ZNF735: variants seen among roughly 807,000 people sequenced by gnomAD.
ZNF735 encodes zinc finger protein 735.
In ZNF735, 11 loss-of-function variants were observed where a neutral mutation model predicts 13.4. The observed-to-expected ratio is 0.82, with a 90% CI of 0.52 to 1.36. The LOEUF (loss-of-function observed/expected upper bound fraction) is 1.36. Among genes scored for constraint, ZNF735 ranks in the 40% most tolerant of loss-of-function variants. The probability of loss-of-function intolerance (pLI) is 0.00; values close to 1 mark genes in which losing one functional copy is unlikely to be tolerated. For missense variants in ZNF735, 500 were observed against 484.6 expected (o/e 1.03, Z -0.30); for synonymous variants, 171 against 162.6 (o/e 1.05, Z -0.39).
exon 4 of ZNF735, chr7:64,220,029 A>T (rs1787472596): frequency 6.2e-7 from 1 of 1,612,880 alleles, no homozygotes; most frequent in Non-Finnish European, 8.5e-7. Context: ...AACCCTACAC[A>T]TGTGAAGAAT....
chr7:64,216,275 A>T (rs569405966), intron 3 of ZNF735, among the ~76,000 whole-genome samples: 1 of 151,416 alleles, frequency 6.6e-6, no homozygotes, highest in Admixed American at 6.6e-5. Flanking sequence ...CAGCCTGAGC[A>T]ACAGAGTGAG....
Position 64,208,007 on chromosome 7 carries a change from T to A in ZNF735, c.39+766T>A, listed in dbSNP as rs543737024. ...ACCTCAAAAAAAAAAAGAAGAACCA[T>A]AGAGCGCCCAGCTATGGCTTGTGGG... On this transcript the variant is annotated intron_variant, in intron 1 of 3. Transcript: ENST00000429565. Among the ~76,000 whole-genome samples the A allele has an allele frequency of 3.6e-4, 54 of 151,430 alleles. 3 individuals are homozygous for A. In the South Asian group the frequency reaches 0.011, roughly 30 times the overall value.
Position 64,213,079 on chromosome 7 carries a change from T to C in ZNF735, c.40-13T>C, listed in dbSNP as rs763229737. 2 of 1,567,194 alleles carry C rather than the reference T, an allele frequency of 1.3e-6. No individual in the cohort carries two copies. The highest frequency in any genetic ancestry group is 4.6e-5 in the East Asian group (2 of 43,604). ...AAGTGTGTGTTCATGAGGTTTTTCT[T>C]TTTTTTTTTCAGGGACTGTTGACAT... On this transcript the variant is annotated splice_polypyrimidine_tract_variant and intron_variant, in intron 1 of 3. Transcript: ENST00000429565.
chr7:64,211,262 A>C (rs1164586905), intron 1 of ZNF735, among the ~76,000 whole-genome samples: 1 of 152,250 alleles, frequency 6.6e-6, no homozygotes, highest in African/African-American at 2.4e-5. Context: ...TAGCTGTTGA[A>C]CATGAGAAGG....
chr7:64,207,281 G>A, intron 1 of ZNF735, 40 bp downstream of exon 1: 1 of 1,614,204 alleles, frequency 6.2e-7, no homozygotes, highest in Non-Finnish European at 8.5e-7. Flanking sequence ...GGGGTGGGAG[G>A]TGGTTGGAAC....
rs1475866271 is a variant in ZNF735 at position 64,211,891 on chromosome 7, ATAT to A, written c.40-1200_40-1198del. Among the ~76,000 whole-genome samples, 827 of 99,240 alleles carry A rather than the reference ATAT, an allele frequency of 8.3e-3. 12 individuals carry two copies. The highest frequency in any genetic ancestry group is 0.018 in the African/African-American group (536 of 30,514). The allele number at this position is 99,240 out of a possible 152,430, so 65.1% of individuals were successfully genotyped here. ...AAAAAAAAAAGAAAAAAGAAAAAAA[ATAT>A]ATATATATATATATTTATTTATTTA... On this transcript the variant is annotated intron_variant, in intron 1 of 3. Coordinates refer to ENST00000429565, the Ensembl canonical transcript of ZNF735.
chr7:64,219,881 C>A, exon 4 of ZNF735: 1 of 1,613,736 alleles, frequency 6.2e-7, no homozygotes. Context: ...TGTGGCCAAG[C>A]CTTTAGGCGC....
chr7:64,207,315 A>T (rs1478251969), intron 1 of ZNF735, 74 bp downstream of exon 1: 30 of 1,613,750 alleles, frequency 1.9e-5, no homozygotes, highest in Non-Finnish European at 2.5e-5. Context: ...CTGCAGCAGG[A>T]CCCATACTTC....
chr7:64,220,064 C>T lies in ZNF735; in HGVS notation c.1013C>T (p.Ser338Leu), dbSNP rs367761278. The change falls in exon 4 of 4, where the codon TCG (serine) becomes TTG (leucine). Residue 338 changes from serine to leucine, a missense_variant. By Grantham distance (145) the Ser-to-Leu change is moderately radical. Coordinates refer to ENST00000429565, the Ensembl canonical transcript of ZNF735. Reference sequence around the variant, plus strand: ...TGTGGCAAAGCCTTTAACTGCTCCTCGACTCTTAAGACACATAAGATAATT... The same window carrying T: ...TGTGGCAAAGCCTTTAACTGCTCCTTGACTCTTAAGACACATAAGATAATT... The T allele has an allele frequency of 4.5e-5, 73 of 1,613,566 alleles. 1 individual carries two copies. The highest frequency in any genetic ancestry group is 4.1e-4 in the African/African-American group (31 of 75,012).
intron 3 of ZNF735, among the ~76,000 whole-genome samples, chr7:64,216,628 G>T (rs1337632451): frequency 6.7e-6 from 1 of 150,348 alleles, no homozygotes; most frequent in South Asian, 2.1e-4. Flanking sequence ...TTTTGACACA[G>T]GGTTTCTCAC....
intron 3 of ZNF735, among the ~76,000 whole-genome samples, chr7:64,218,227 T>C (rs1415636631): frequency 6.6e-6 from 1 of 152,038 alleles, no homozygotes; most frequent in Non-Finnish European, 1.5e-5. Context: ...TTTCAGCACT[T>C]TGACCATTTT....
At chr7:64,207,335 A>C in intron 1 of ZNF735, 94 bp downstream of exon 1, 2 of 1,611,448 alleles carry the variant, frequency 1.2e-6, no homozygotes, top group South Asian at 2.2e-5. Context: ...CCTCGCAGTC[A>C]GCTCCGGAGT....
chr7:64,211,491 A>G (rs10259115), intron 1 of ZNF735, among the ~76,000 whole-genome samples: 33,273 of 152,094 alleles, frequency 0.22, 3,782 homozygotes, highest in East Asian at 0.28. Flanking sequence ...AACAAAGACT[A>G]CTTAAAATTA....
At chr7:64,215,414 G>A (rs904619765) in intron 3 of ZNF735, among the ~76,000 whole-genome samples, 4 of 152,064 alleles carry the variant, frequency 2.6e-5, no homozygotes, top group African/African-American at 9.7e-5. Context: ...TCTAGGAGTC[G>A]TTTATATATT....
chr7:64,207,428 C>T (rs1474150642), intron 1 of ZNF735, among the ~76,000 whole-genome samples, 187 bp downstream of exon 1: 2 of 152,200 alleles, frequency 1.3e-5, no homozygotes, highest in East Asian at 1.9e-4. Flanking sequence ...GCGGCTGGGA[C>T]CCTGGGAGTT....
exon 4 of ZNF735, chr7:64,219,668 T>A (rs1562834223): frequency 6.3e-7 from 1 of 1,585,784 alleles, no homozygotes; most frequent in Non-Finnish European, 8.6e-7. Context: ...CATCAGATAA[T>A]TCATACTAAG....
At chr7:64,213,744 A>G (rs1254854239) in intron 2 of ZNF735, among the ~76,000 whole-genome samples, 1 of 152,116 alleles carries the variant, frequency 6.6e-6, no homozygotes, top group Non-Finnish European at 1.5e-5. Flanking sequence ...GCAGATCACA[A>G]GGTCAGGAGT....
chr7:64,214,146 A>G, intron 3 of ZNF735, 38 bp downstream of exon 3: 1 of 1,590,892 alleles, frequency 6.3e-7, no homozygotes, highest in Admixed American at 1.7e-5. Context: ...CACGGATGAG[A>G]TGTCCACAAG....
chr7:64,211,865 CAA>C (rs1304676700), intron 1 of ZNF735, among the ~76,000 whole-genome samples: 1 of 104,216 alleles, frequency 9.6e-6, no homozygotes, highest in African/African-American at 3.7e-5. Context: ...GACTCCATCT[CAA>C]AAAAAAAAGA....
Sources: allele counts gnomAD v4.1 joint callset (sites outside exome capture counted in the v4.1 genomes callset), GRCh38; gene constraint gnomAD v4.1.1; transcripts MANE v1.5; gene names NCBI Gene and HGNC (gene_info 2026-07-23, HGNC 2026-07-21).